MTRES1: variants seen among roughly 807,000 people sequenced by gnomAD.
The protein encoded by MTRES1 is uncharacterized protein C6orf203.
A neutral mutation model predicts 17.4 loss-of-function variants in MTRES1; 11 were observed. The observed-to-expected ratio is 0.63, with a 90% CI of 0.40 to 1.05. The LOEUF (loss-of-function observed/expected upper bound fraction) is 1.05, where lower values mean the gene tolerates loss of function less well. MTRES1 is among the 50% of genes least tolerant of loss of function. MTRES1 has a pLI of 0.00. For missense variants in MTRES1, 268 were observed against 276.2 expected (o/e 0.97, Z 0.21); for synonymous variants, 94 against 99.6 (o/e 0.94, Z 0.34).
At chr6:107,041,975 C>G (rs1476465987) in intron 2 of MTRES1, among the ~76,000 whole-genome samples, 2 of 152,086 alleles carry the variant, frequency 1.3e-5, no homozygotes, top group Non-Finnish European at 2.9e-5. Context: ...AGCAAAACTT[C>G]TTGTGTAATT....
chr6:107,030,325 G>A (rs569504279), intron 1 of MTRES1, among the ~76,000 whole-genome samples: 5 of 152,188 alleles, frequency 3.3e-5, no homozygotes, highest in African/African-American at 9.6e-5. Flanking sequence ...ATGTGCCCAC[G>A]TGGAGGTGTC....
chr6:107,037,966 G>A (rs1238263052), intron 1 of MTRES1, among the ~76,000 whole-genome samples: 1 of 152,062 alleles, frequency 6.6e-6, no homozygotes, highest in Non-Finnish European at 1.5e-5. Flanking sequence ...AGATCCACCC[G>A]CCTCAGCCTC....
intron 1 of MTRES1, among the ~76,000 whole-genome samples, chr6:107,035,744 G>A (rs1251024392): frequency 6.6e-6 from 1 of 151,984 alleles, no homozygotes; most frequent in Non-Finnish European, 1.5e-5. Flanking sequence ...AACCTCCTGG[G>A]TTCAAGCGAT....
intron 1 of MTRES1, among the ~76,000 whole-genome samples, chr6:107,039,328 T>A (rs782643250): frequency 6.6e-6 from 1 of 152,034 alleles, no homozygotes; most frequent in African/African-American, 2.4e-5. Context: ...TTTGGTTTTT[T>A]TTAATTTTGG....
intron 3 of MTRES1, among the ~76,000 whole-genome samples, chr6:107,050,238 GC>G (rs1774548124): frequency 6.6e-6 from 1 of 152,224 alleles, no homozygotes; most frequent in African/African-American, 2.4e-5. Context: ...CATTGAATCA[GC>G]ATCCAACTCT....
At chr6:107,050,939 T>C (rs115316506) in intron 3 of MTRES1, 118 bp from the exon 4 acceptor site, 1 of 812,454 alleles carries the variant, frequency 1.2e-6, no homozygotes, top group African/African-American at 1.7e-5. Context: ...TCAGGGCCTT[T>C]ACTCACCTGC....
intron 3 of MTRES1, among the ~76,000 whole-genome samples, chr6:107,046,355 ATGT>A (rs1262176043): frequency 1.1e-5 from 1 of 94,414 alleles, no homozygotes; most frequent in South Asian, 4.0e-4. Flanking sequence ...CCGTTTTGTG[ATGT>A]TGTTAACTAC....
At chr6:107,048,902 G>A (rs1166652943) in intron 3 of MTRES1, among the ~76,000 whole-genome samples, 3 of 150,544 alleles carry the variant, frequency 2.0e-5, no homozygotes, top group African/African-American at 7.3e-5. Flanking sequence ...AAACAGTCTT[G>A]ACAATAGCTG....
intron 1 of MTRES1, among the ~76,000 whole-genome samples, chr6:107,037,185 C>T (rs1774040595): frequency 6.6e-6 from 1 of 152,168 alleles, no homozygotes; most frequent in Non-Finnish European, 1.5e-5. Flanking sequence ...GATCTCAGCT[C>T]ACTGCAACCT....
rs1774601271 is a variant in MTRES1, at chr6:107,051,411, C to T, written c.*175C>T. The T allele has an allele frequency of 3.6e-6, 2 of 561,478 alleles. No individual in the cohort carries two copies. The highest frequency in any genetic ancestry group is 3.1e-6 in the Non-Finnish European group (1 of 322,652). The allele number at this position is 561,478 out of a possible 1,614,324, so 34.8% of individuals were successfully genotyped here. ...CACTTCCCAAGGCCTGCCTCACCTC[C>T]ACCCCCTGCCCACCTTGATCCATGC... On this transcript the variant is annotated 3_prime_UTR_variant, in exon 4 of 4. Coordinates refer to ENST00000311381, the MANE Select transcript of MTRES1 (RefSeq NM_016487.5).
At chr6:107,041,540 T>A (rs1482713351) in intron 2 of MTRES1, among the ~76,000 whole-genome samples, 1 of 152,202 alleles carries the variant, frequency 6.6e-6, no homozygotes, top group Non-Finnish European at 1.5e-5. Flanking sequence ...TTTTTGCTTT[T>A]TTTGAGACGG....
At chr6:107,033,434 C>T (rs1554226647) in intron 1 of MTRES1, among the ~76,000 whole-genome samples, 1 of 151,040 alleles carries the variant, frequency 6.6e-6, no homozygotes, top group African/African-American at 2.4e-5. Context: ...TTCTCCAGTG[C>T]TGCTTTGGCT....
rs1774316752 is a variant in MTRES1, at chr6:107,044,250, T to A, written c.471-10T>A. On this transcript the variant is annotated splice_polypyrimidine_tract_variant and intron_variant, in intron 2 of 3. Coordinates refer to ENST00000311381, the MANE Select transcript of MTRES1 (RefSeq NM_016487.5). ...AATTGTGTACATTGTTGCTTTTTTTTGTTTTGTAGCAAAGTGGAAGATGCT... is the reference window on the plus strand; with the variant it reads ...AATTGTGTACATTGTTGCTTTTTTTAGTTTTGTAGCAAAGTGGAAGATGCT... 6.2e-7 allele frequency: 1 copy of A among 1,612,480 alleles called. No homozygotes were observed. The highest frequency in any genetic ancestry group is 8.5e-7 in the Non-Finnish European group (1 of 1,178,908).
rs1773748034 is a variant in MTRES1, at chr6:107,029,279, C to T, written c.-13+1008C>T. On this transcript the variant is annotated intron_variant, in intron 1 of 3. Transcript: ENST00000311381. ...CTCTGCTCACTGCAAGCTCCGCCTC[C>T]CGGGTTCACGCCATTCTCCCGCCTC... Among the ~76,000 whole-genome samples the T allele has an allele frequency of 2.0e-5, 3 of 151,908 alleles. No individual in the cohort carries two copies. In the South Asian group the frequency reaches 6.2e-4, roughly 31 times the overall value.
chr6:107,031,155 G>A (rs1234447673), intron 1 of MTRES1, among the ~76,000 whole-genome samples: 2 of 151,960 alleles, frequency 1.3e-5, no homozygotes, highest in African/African-American at 4.8e-5. Flanking sequence ...TGAGGTGGGC[G>A]GGTCACTTGA....
At chr6:107,046,460 C>T (rs892592520) in intron 3 of MTRES1, among the ~76,000 whole-genome samples, 7 of 151,940 alleles carry the variant, frequency 4.6e-5, no homozygotes, top group African/African-American at 1.7e-4. Context: ...AGGAAGGGGG[C>T]ATTATTAACG....
chr6:107,051,112 CAG>C lies in MTRES1; in HGVS notation c.603_604del (p.Glu201AspfsTer12). ...ATTGGAGAGGATAAAGAAGCAGGAA[CAG>C]AGACAGTTATGCGGATTCTCTTGAA... On this transcript the variant is annotated frameshift_variant, in exon 4 of 4. Coordinates refer to ENST00000311381, the MANE Select transcript of MTRES1 (RefSeq NM_016487.5). LOFTEE classifies it high-confidence loss of function. 6.2e-7 allele frequency: 1 copy of C among 1,613,778 alleles called. No homozygotes were observed. Among genetic ancestry groups the C allele is most frequent in the Non-Finnish European group, 8.5e-7 (1 of 1,179,710 alleles).
At chr6:107,049,340 C>G (rs1254369374) in intron 3 of MTRES1, among the ~76,000 whole-genome samples, 9 of 151,896 alleles carry the variant, frequency 5.9e-5, no homozygotes, top group Admixed American at 1.3e-4. Context: ...TGAGATGGCT[C>G]CCAGTCATCC....
intron 2 of MTRES1, among the ~76,000 whole-genome samples, chr6:107,042,159 T>C (rs772720483): frequency 6.6e-5 from 10 of 151,664 alleles, no homozygotes. Flanking sequence ...GCTAACATAG[T>C]GAAACCCTGT....
Sources: gnomAD v4.1 joint callset for allele counts (sites outside exome capture counted in the v4.1 genomes callset) on GRCh38, gnomAD v4.1.1 for gene constraint, MANE v1.5 for transcripts, NCBI Gene and HGNC (gene_info 2026-07-23, HGNC 2026-07-21) for gene names.